The following ZNF429 variants were observed in gnomAD, a reference collection of about 807,000 sequenced individuals.
ZNF429 encodes the protein zinc finger protein 429.
ZNF429 carries 53 observed loss-of-function variants against 56.8 expected under a neutral mutation model. The ratio of observed to expected loss-of-function variants is 0.93; its 90% CI spans 0.75 to 1.17. ZNF429 has a LOEUF of 1.17. Ranked by LOEUF, ZNF429 falls within the 50% of genes most tolerant of loss-of-function variation. The pLI is 0.00. For synonymous variants in ZNF429, 278 were observed against 264.7 expected, an observed-to-expected ratio of 1.05 and a Z score of -0.49; for missense variants, 849 against 788.4, an observed-to-expected ratio of 1.08 and a Z score of -0.92.
At chr19:21,521,351 C>G (rs957328589) in intron 1 of ZNF429, 7 of 152,152 alleles carry the variant, frequency 4.6e-5, no homozygotes, top group Non-Finnish European at 4.4e-5. Flanking sequence ...TATCAAAAAG[C>G]TCTAGTGGAA....
chr19:21,515,580 TTTTG>T (rs1270574511), intron 1 of ZNF429, among the ~76,000 whole-genome samples: 11 of 152,260 alleles, frequency 7.2e-5, no homozygotes, highest in Admixed American at 1.3e-4. Context: ...GTTTTTTGTT[TTTTG>T]TTTTTTTGCT....
rs977040897 is a variant in ZNF429 at position 21,539,529 on chromosome 19, C to G, written c.*1451C>G. On this transcript the variant is annotated 3_prime_UTR_variant, in exon 4 of 4. Transcript: ENST00000358491. ...CTTCGACCTTTGGGTTCAAGCAGTT[C>G]TCCTGCCACAGCCTCCTGAGTAGCT... Among the ~76,000 whole-genome samples, 28 of 151,916 alleles carry G rather than the reference C, an allele frequency of 1.8e-4. No homozygotes were observed. Among genetic ancestry groups the G allele is most frequent in the Non-Finnish European group, 3.5e-4 (24 of 67,998 alleles).
chr19:21,525,560 G>A (rs1249902575), intron 1 of ZNF429, among the ~76,000 whole-genome samples: 1 of 152,072 alleles, frequency 6.6e-6, no homozygotes, highest in Non-Finnish European at 1.5e-5. Context: ...GTTTTGGGTG[G>A]TATATTTTGC....
chr19:21,523,347 AC>A (rs1172024734), intron 1 of ZNF429, among the ~76,000 whole-genome samples: 17 of 152,230 alleles, frequency 1.1e-4, no homozygotes, highest in Non-Finnish European at 2.1e-4. Context: ...TTGCGGTTTT[AC>A]CATTTAATGT....
intron 1 of ZNF429, among the ~76,000 whole-genome samples, chr19:21,527,381 T>C (rs2033210064): frequency 6.6e-6 from 1 of 152,194 alleles, no homozygotes; most frequent in African/African-American, 2.4e-5. Context: ...ACTTGTGCCC[T>C]TTCAACAGGT....
At chr19:21,511,700 C>T (rs11879208) in intron 1 of ZNF429, among the ~76,000 whole-genome samples, 4,159 of 151,794 alleles carry the variant, frequency 0.027, 143 homozygotes, top group African/African-American at 0.074. Flanking sequence ...GCTGCAATCT[C>T]GGCACTTTGG....
chr19:21,521,037 G>T (rs896351934), intron 1 of ZNF429, among the ~76,000 whole-genome samples: 4 of 152,146 alleles, frequency 2.6e-5, no homozygotes, highest in Non-Finnish European at 4.4e-5. Context: ...AAGTTCTACA[G>T]ACATCATGAC....
rs1454887071 is a variant in ZNF429 at position 21,539,522 on chromosome 19, A to G, written c.*1444A>G. ...CTGCCAACTTCGACCTTTGGGTTCA[A>G]GCAGTTCTCCTGCCACAGCCTCCTG... On this transcript the variant is annotated 3_prime_UTR_variant, in exon 4 of 4. Transcript: ENST00000358491. Among the ~76,000 whole-genome samples, 1 of 151,974 alleles carries G rather than the reference A, an allele frequency of 6.6e-6. No homozygotes were observed. The highest frequency in any genetic ancestry group is 2.4e-5 in the African/African-American group (1 of 41,398).
intron 1 of ZNF429, 112 bp downstream of exon 1, chr19:21,505,886 C>G (rs2032115098): frequency 5.0e-6 from 6 of 1,194,912 alleles, no homozygotes; most frequent in Non-Finnish European, 7.3e-6. Flanking sequence ...AATCTGCGCC[C>G]GGAATTCTCC....
rs539423067 is a variant in ZNF429 at position 21,539,434 on chromosome 19, T to C, written c.*1356T>C. On this transcript the variant is annotated 3_prime_UTR_variant, in exon 4 of 4. Transcript: ENST00000358491. ...TATTCAAAGTGTACTTTTTATTTAT[T>C]TTTTTGAGATGGAGTCTCACTTTGT... Among the ~76,000 whole-genome samples, 159 of 152,250 alleles carry C rather than the reference T, an allele frequency of 1.0e-3. No homozygotes were observed. Among genetic ancestry groups the C allele is most frequent in the African/African-American group, 3.7e-3 (152 of 41,568 alleles).
chr19:21,537,942 T>C lies in ZNF429; in HGVS notation c.1889T>C (p.Phe630Ser). 2 of 1,613,946 alleles carry C rather than the reference T, an allele frequency of 1.2e-6. No individual in the cohort carries two copies. The highest frequency in any genetic ancestry group is 4.5e-5 in the East Asian group (2 of 44,870). The change falls in exon 4 of 4, where the codon TTT becomes TCT. Residue 630 changes from phenylalanine (F) to serine (S), a missense_variant. Transcript: ENST00000358491. Reference protein sequence around the residue: ...PYKCEECAKAFTRSSRLTQHK... With the variant: ...PYKCEECAKASTRSSRLTQHK... ...AAATGTGAAGAATGTGCCAAAGCTTTTACCCGGTCTTCAAGACTTACTCAA... is the reference window on the plus strand; with the variant it reads ...AAATGTGAAGAATGTGCCAAAGCTTCTACCCGGTCTTCAAGACTTACTCAA...
At chr19:21,535,714 C>A in intron 3 of ZNF429, among the ~76,000 whole-genome samples, 1,668 of 151,774 alleles carry the variant, frequency 0.011, 39 homozygotes, top group African/African-American at 0.039. Flanking sequence ...CAGGGTTTCA[C>A]CATGTTGGCC....
rs2033754725 is a variant in ZNF429 at position 21,537,595 on chromosome 19, T to C, written c.1542T>C (p.Cys514=). ...AGAAACCCTACAAATGTGAAGAATG[T>C]GGCAAAGCTTTTATCCTGTCCTCAA... is the stretch of plus-strand genomic sequence containing the variant. ...SGEKPYKCEE[C]GKAFILSSRL... Residue 514 remains cysteine (C), a synonymous_variant, in exon 4 of 4, where the codon TGT becomes TGC. Transcript: ENST00000358491. 5 of 1,613,614 alleles carry C rather than the reference T, an allele frequency of 3.1e-6. No individual in the cohort carries two copies. The highest frequency in any genetic ancestry group is 4.2e-6 in the Non-Finnish European group (5 of 1,179,900).
chr19:21,531,122 A>AC, intron 3 of ZNF429, among the ~76,000 whole-genome samples: 3,040 of 20,034 alleles, frequency 0.15, 127 homozygotes, highest in African/African-American at 0.27. Context: ...AAAAAAAAAA[A>AC]AAAAAAACCA....
At chr19:21,534,718 C>A in intron 3 of ZNF429, among the ~76,000 whole-genome samples, 217 of 151,998 alleles carry the variant, frequency 1.4e-3, no homozygotes, top group Non-Finnish European at 2.1e-3. Context: ...ACAGAATACA[C>A]CAGGTGCAAA....
chr19:21,523,663 C>T (rs1023053731), intron 1 of ZNF429, among the ~76,000 whole-genome samples: 1 of 152,226 alleles, frequency 6.6e-6, no homozygotes, highest in African/African-American at 2.4e-5. Context: ...CTCTCTTTGC[C>T]TTTGCAAATC....
chr19:21,531,777 G>T, intron 3 of ZNF429, among the ~76,000 whole-genome samples: 2 of 150,008 alleles, frequency 1.3e-5, no homozygotes, highest in Non-Finnish European at 3.0e-5. Context: ...CTGCACTCCA[G>T]CCTGGGTGAT....
chr19:21,533,631 A>G, intron 3 of ZNF429, among the ~76,000 whole-genome samples: 1 of 150,816 alleles, frequency 6.6e-6, no homozygotes, highest in Admixed American at 6.6e-5. Context: ...GTTCAAGGAA[A>G]GGACCCAACT....
rs1175138437 is a variant in ZNF429, at chr19:21,528,304, ACAGGATGG to A, written c.4-1351_4-1344del. ...CAGGATTTTCAAAATGCTTATTTAA[ACAGGATGG>A]CATTTATCACCCAGAAAGTTCTAAA... On this transcript the variant is annotated intron_variant, in intron 1 of 3. Coordinates refer to ENST00000358491, the MANE Select transcript of ZNF429 (RefSeq NM_001001415.4). Among the ~76,000 whole-genome samples the A allele has an allele frequency of 3.9e-5, 6 of 152,174 alleles. No individual in the cohort carries two copies. In the East Asian group the frequency reaches 5.8e-4, roughly 15 times the overall value.
Sources: allele counts gnomAD v4.1 joint callset (sites outside exome capture counted in the v4.1 genomes callset), GRCh38; gene constraint gnomAD v4.1.1; transcripts MANE v1.5; gene names NCBI Gene and HGNC (gene_info 2026-07-23, HGNC 2026-07-21).